ABI2: variants seen among roughly 807,000 people sequenced by gnomAD.
ABI2 encodes the protein abl interactor 2.
ABI2 carries 25 observed loss-of-function variants against 59.2 expected under a neutral mutation model. The observed-to-expected ratio is 0.42, with a 90% CI of 0.31 to 0.59. ABI2 has a LOEUF of 0.59. Ranked by LOEUF, ABI2 falls within the 20% of genes least tolerant of loss-of-function variation. ABI2 has a pLI of 0.14. For missense variants in ABI2, 545 were observed against 681.8 expected (o/e 0.80, Z 2.23); for synonymous variants, 213 against 235.5 (o/e 0.90, Z 0.87).
intron 1 of ABI2, among the ~76,000 whole-genome samples, chr2:203,338,945 TATATATATATATATATAA>T (rs1320173897): frequency 2.4e-5 from 1 of 42,552 alleles, no homozygotes; most frequent in African/African-American, 1.6e-4. Flanking sequence ...TATATATATA[TATATATATATATATATAA>T]ATATATATAT....
At chr2:203,408,787 A>G (rs1193769759) in intron 9 of ABI2, among the ~76,000 whole-genome samples, 1 of 149,056 alleles carries the variant, frequency 6.7e-6, no homozygotes, top group Admixed American at 6.7e-5. Flanking sequence ...GCTGCCTGCT[A>G]CTGTTTCTCA....
At chr2:203,345,395 A>T (rs965324976) in intron 1 of ABI2, among the ~76,000 whole-genome samples, 1 of 152,144 alleles carries the variant, frequency 6.6e-6, no homozygotes, top group Admixed American at 6.6e-5. Context: ...GAACTGTAAC[A>T]TTCACGGCGA....
intron 1 of ABI2, among the ~76,000 whole-genome samples, chr2:203,345,501 C>G (rs1182066371): frequency 6.6e-6 from 1 of 152,164 alleles, no homozygotes; most frequent in African/African-American, 2.4e-5. Context: ...ATCTCCACCT[C>G]CTGGGTTCAA....
intron 9 of ABI2, among the ~76,000 whole-genome samples, chr2:203,408,788 C>G (rs551378304): frequency 6.4e-4 from 96 of 150,322 alleles, no homozygotes; most frequent in African/African-American, 2.2e-3. Flanking sequence ...CTGCCTGCTA[C>G]TGTTTCTCAG....
intron 11 of ABI2, among the ~76,000 whole-genome samples, chr2:203,425,026 AT>A (rs771713104): frequency 0.015 from 1,981 of 134,454 alleles, 15 homozygotes; most frequent in Non-Finnish European, 0.019. Context: ...TGCCAGGCTA[AT>A]TTTTTTTTTT....
At chr2:203,376,760 T>A (rs1038548628) in intron 2 of ABI2, among the ~76,000 whole-genome samples, 25 of 150,878 alleles carry the variant, frequency 1.7e-4, no homozygotes, top group Non-Finnish European at 3.0e-4. Context: ...TTTACTGTTA[T>A]GGTCTATGGG....
intron 2 of ABI2, among the ~76,000 whole-genome samples, chr2:203,379,235 T>C (rs74666046): frequency 0.01 from 1,579 of 152,314 alleles, 29 homozygotes; most frequent in African/African-American, 0.036. Flanking sequence ...ACTTGGTCTT[T>C]TGGGGTCAAA....
At chr2:203,363,964 A>G (rs905773267) in intron 1 of ABI2, among the ~76,000 whole-genome samples, 1 of 151,534 alleles carries the variant, frequency 6.6e-6, no homozygotes, top group African/African-American at 2.4e-5. Context: ...GGGTTTTACC[A>G]TGTTGGTCAG....
At chr2:203,379,789 T>C (rs1383210561) in intron 2 of ABI2, among the ~76,000 whole-genome samples, 1 of 152,218 alleles carries the variant, frequency 6.6e-6, no homozygotes, top group Non-Finnish European at 1.5e-5. Context: ...ATACCATCTC[T>C]GTTGTGGCTC....
rs777390135 is a variant in ABI2, at chr2:203,396,884, A to G, written c.950A>G (p.Asp317Gly). ...PATVPSSTAP[D>G]AAAGGAQTLA... ...ACTGTCCCTTCCTCCACTGCCCCAG[A>G]CGCTGCTGCTGGGGGTGCCCAGACC... The change falls in exon 8 of 12, where the codon GAC becomes GGC. Residue 317 changes from aspartate (D) to glycine (G), a missense_variant. Asp to Gly is a moderately conservative substitution (Grantham distance 94). This residue lies in a region of ABI2 where 410 missense variants were observed against 435.6 expected (regional missense o/e 0.94). Coordinates refer to ENST00000261018, the MANE Select transcript of ABI2 (RefSeq NM_001375670.1). The G allele has an allele frequency of 6.5e-7, 1 of 1,534,386 alleles. No individual in the cohort carries two copies. Among genetic ancestry groups the G allele is most frequent in the South Asian group, 1.2e-5 (1 of 83,760 alleles).
At chr2:203,366,822 T>A (rs2094496417) in intron 1 of ABI2, 55 bp from the exon 2 acceptor site, 1 of 1,467,728 alleles carries the variant, frequency 6.8e-7, no homozygotes, top group Admixed American at 2.2e-5. Context: ...TAGGTTAGTT[T>A]GCTAGAAATG....
At chr2:203,401,541 A>T (rs976782249) in intron 8 of ABI2, among the ~76,000 whole-genome samples, 1 of 152,212 alleles carries the variant, frequency 6.6e-6, no homozygotes, top group Non-Finnish European at 1.5e-5. Flanking sequence ...TCTCCAGTTG[A>T]CATTAGCTGT....
intron 11 of ABI2, among the ~76,000 whole-genome samples, chr2:203,418,334 G>A (rs1395944118): frequency 2.0e-5 from 3 of 152,188 alleles, no homozygotes; most frequent in Non-Finnish European, 4.4e-5. Flanking sequence ...TCTCTGCGTG[G>A]CTCAGCTGGG....
intron 1 of ABI2, among the ~76,000 whole-genome samples, chr2:203,344,841 G>C (rs1178098803): frequency 1.3e-5 from 2 of 152,058 alleles, no homozygotes; most frequent in Non-Finnish European, 2.9e-5. Context: ...TTGTAAAAAC[G>C]CACCAGTCAG....
At chr2:203,336,676 A>G (rs2076605792) in intron 1 of ABI2, among the ~76,000 whole-genome samples, 1 of 152,130 alleles carries the variant, frequency 6.6e-6, no homozygotes, top group African/African-American at 2.4e-5. Context: ...CTTTTGTTTT[A>G]GTATTGCTTT....
rs1223426009 is a variant in ABI2, at chr2:203,427,567, C to T, written c.*215C>T. On this transcript the variant is annotated 3_prime_UTR_variant, in exon 12 of 12. Coordinates refer to ENST00000261018, the MANE Select transcript of ABI2 (RefSeq NM_001375670.1). ...CATCATTTGTACAATGCTGAGCTGT[C>T]TGGATTGAAATAAAATGACCATTTT... 1 of 458,034 alleles carries T rather than the reference C, an allele frequency of 2.2e-6. No homozygotes were observed. Among genetic ancestry groups the T allele is most frequent in the Non-Finnish European group, 3.9e-6 (1 of 257,530 alleles). The allele number at this position is 458,034 out of a possible 1,614,324, so 28.4% of individuals were successfully genotyped here.
chr2:203,421,604 T>C (rs1208956300), intron 11 of ABI2, among the ~76,000 whole-genome samples: 1 of 152,194 alleles, frequency 6.6e-6, no homozygotes, highest in Admixed American at 6.5e-5. Flanking sequence ...ATAAAAACTT[T>C]TATGACTGCT....
At chr2:203,395,079 G>GT in intron 6 of ABI2, 1 of 712,720 alleles carries the variant, frequency 1.4e-6, no homozygotes, top group Non-Finnish European at 2.5e-6. Flanking sequence ...AGTTTTAAGA[G>GT]TTCAGTTGAT....
intron 4 of ABI2, among the ~76,000 whole-genome samples, chr2:203,390,492 C>T (rs554982968): frequency 2.0e-5 from 3 of 152,034 alleles, no homozygotes; most frequent in South Asian, 2.1e-4. Flanking sequence ...ATTAGCTGGT[C>T]GTGGTGGCAT....
Sources: allele counts gnomAD v4.1 joint callset (sites outside exome capture counted in the v4.1 genomes callset), GRCh38; gene constraint gnomAD v4.1.1; regional missense constraint gnomAD v4.1.1; transcripts MANE v1.5; gene names NCBI Gene and HGNC (gene_info 2026-07-23, HGNC 2026-07-21).